BTBD9: variants seen among roughly 807,000 people sequenced by gnomAD.
BTBD9 encodes BTB domain containing 9, also known as BTB/POZ domain-containing protein 9.
Under a neutral mutation model 64.3 loss-of-function variants are expected in BTBD9, and 49 were observed. That is an observed-to-expected ratio of 0.76 (90% CI 0.61 to 0.97). The LOEUF is 0.97. Ranked by LOEUF, BTBD9 falls within the 50% of genes least tolerant of loss-of-function variation. The pLI is 0.00. For missense variants in BTBD9, 598 were observed against 762.1 expected (o/e 0.78, Z 2.53); for synonymous variants, 260 against 274.7 (o/e 0.95, Z 0.53).
chr6:38,190,131 C>T lies in BTBD9; in HGVS notation c.1641+2388G>A, dbSNP rs150393366. 9.9e-5 allele frequency among the ~76,000 whole-genome samples: 15 copies of T among 151,836 alleles called. No individual in the cohort carries two copies. The East Asian group carries it at 2.9e-3, about 30-fold the overall frequency. ...CTGGCTTATTGTGCCTTTTTTTGTTCTCTGAGAATGAGATCCTGTTCATTA... is the reference window on the plus strand; with the variant it reads ...CTGGCTTATTGTGCCTTTTTTTGTTTTCTGAGAATGAGATCCTGTTCATTA... On this transcript the variant is annotated intron_variant, in intron 10 of 10. Coordinates refer to ENST00000481247, the MANE Select transcript of BTBD9 (RefSeq NM_001099272.2).
At chr6:38,427,271 C>T (rs530735854) in intron 6 of BTBD9, among the ~76,000 whole-genome samples, 4 of 151,662 alleles carry the variant, frequency 2.6e-5, no homozygotes, top group Non-Finnish European at 4.4e-5. Flanking sequence ...AGGAGGATTG[C>T]TTGAGCCCAG....
intron 4 of BTBD9, among the ~76,000 whole-genome samples, chr6:38,590,892 T>A (rs1015013040): frequency 6.6e-6 from 1 of 152,308 alleles, no homozygotes; most frequent in South Asian, 2.1e-4. Flanking sequence ...CACATTTATA[T>A]CCCTTGAATC....
chr6:38,392,875 A>ATTTTTTT, intron 6 of BTBD9, among the ~76,000 whole-genome samples: 1 of 137,322 alleles, frequency 7.3e-6, no homozygotes. Flanking sequence ...TAAGACAATG[A>ATTTTTTT]TTTTTTTTTT....
In BTBD9 at chr6:38,236,585, A is replaced by C. The variant is rs141503016; in HGVS notation, c.1562+19824T>G. Among the ~76,000 whole-genome samples, 595 of 152,340 alleles carry C rather than the reference A, an allele frequency of 3.9e-3. 6 individuals are homozygous for C. The highest frequency in any genetic ancestry group is 0.014 in the African/African-American group (575 of 41,566). On this transcript the variant is annotated intron_variant, in intron 9 of 10. Transcript: ENST00000481247. Reference sequence around the variant, plus strand: ...AATTCCTAAGTAAAAGGGTCACAAGAACTATAAATCCTAATTTAATTCAGC... The same window carrying C: ...AATTCCTAAGTAAAAGGGTCACAAGCACTATAAATCCTAATTTAATTCAGC...
chr6:38,491,026 A>C (rs1771678554), intron 6 of BTBD9, among the ~76,000 whole-genome samples: 1 of 152,212 alleles, frequency 6.6e-6, no homozygotes, highest in Non-Finnish European at 1.5e-5. Flanking sequence ...TGGATGACAA[A>C]AGTGGTACAA....
At chr6:38,416,837 G>A (rs905246381) in intron 6 of BTBD9, among the ~76,000 whole-genome samples, 1 of 152,142 alleles carries the variant, frequency 6.6e-6, no homozygotes. Flanking sequence ...CAGAAAGGGT[G>A]CCAAATTACT....
intron 7 of BTBD9, among the ~76,000 whole-genome samples, chr6:38,340,418 T>G (rs1336287855): frequency 1.3e-5 from 2 of 152,156 alleles, no homozygotes; most frequent in African/African-American, 4.8e-5. Flanking sequence ...ACTACTAAAG[T>G]CTTATCAAAA....
At chr6:38,568,689 G>A (rs929412380) in intron 6 of BTBD9, among the ~76,000 whole-genome samples, 2 of 152,160 alleles carry the variant, frequency 1.3e-5, no homozygotes, top group African/African-American at 2.4e-5. Flanking sequence ...TTCCTCACAT[G>A]CAGCATGTAC....
At chr6:38,459,210 G>A (rs748464035) in intron 6 of BTBD9, among the ~76,000 whole-genome samples, 4 of 152,036 alleles carry the variant, frequency 2.6e-5, no homozygotes, top group Non-Finnish European at 5.9e-5. Flanking sequence ...GTAGAGACAC[G>A]GTTTCACCAT....
At chr6:38,475,708 C>G (rs543700490) in intron 6 of BTBD9, among the ~76,000 whole-genome samples, 2 of 152,286 alleles carry the variant, frequency 1.3e-5, no homozygotes, top group African/African-American at 4.8e-5. Flanking sequence ...CTGAGAAGAA[C>G]AGCATACCCA....
intron 6 of BTBD9, among the ~76,000 whole-genome samples, chr6:38,387,244 A>C (rs1766213686): frequency 6.6e-6 from 1 of 152,210 alleles, no homozygotes; most frequent in Non-Finnish European, 1.5e-5. Flanking sequence ...TAGGATAATA[A>C]GACAAAAGTT....
intron 6 of BTBD9, among the ~76,000 whole-genome samples, chr6:38,425,115 C>CTTT (rs10717521): frequency 7.4e-6 from 1 of 135,564 alleles, no homozygotes; most frequent in Non-Finnish European, 1.6e-5. Context: ...CGTGCCCGGC[C>CTTT]TTTTTTTTTT....
intron 6 of BTBD9, among the ~76,000 whole-genome samples, chr6:38,457,619 C>A (rs1272719102): frequency 6.6e-6 from 1 of 151,934 alleles, no homozygotes; most frequent in Admixed American, 6.6e-5. Context: ...ATTTGGGAAG[C>A]TTGAGATGCC....
chr6:38,484,150 T>C lies in BTBD9; in HGVS notation c.1154+93450A>G, dbSNP rs1002080614. ...GAATCCTGTGTTCAGCTCTTTGCTC[T>C]TCAACTGTAGACATGCACAGAAGCA... On this transcript the variant is annotated intron_variant, in intron 6 of 10. Transcript: ENST00000481247. Among the ~76,000 whole-genome samples, 18 of 152,216 alleles carry C rather than the reference T, an allele frequency of 1.2e-4. 1 individual carries two copies. Among genetic ancestry groups the C allele is most frequent in the African/African-American group, 3.6e-4 (15 of 41,450 alleles).
intron 6 of BTBD9, among the ~76,000 whole-genome samples, chr6:38,421,094 C>T (rs914606962): frequency 4.9e-5 from 7 of 142,142 alleles, no homozygotes; most frequent in Admixed American, 2.1e-4. Context: ...CAGTGGCTCA[C>T]GTCTGTAATC....
chr6:38,205,892 G>C (rs67357963), intron 9 of BTBD9, among the ~76,000 whole-genome samples: 3 of 94,060 alleles, frequency 3.2e-5, no homozygotes, highest in African/African-American at 8.3e-5. Flanking sequence ...AAAAAAAAAA[G>C]AAAGAAAGAA....
chr6:38,303,842 T>TAG (rs1186264756), intron 7 of BTBD9, among the ~76,000 whole-genome samples: 18 of 45,368 alleles, frequency 4.0e-4, no homozygotes, highest in Non-Finnish European at 5.2e-4. Flanking sequence ...AGTTGCTAGA[T>TAG]ATATATATAT....
chr6:38,515,309 C>G (rs1772970969), intron 6 of BTBD9, among the ~76,000 whole-genome samples: 1 of 152,172 alleles, frequency 6.6e-6, no homozygotes, highest in African/African-American at 2.4e-5. Context: ...CTTAAGAGAA[C>G]AGTCAACATT....
intron 7 of BTBD9, among the ~76,000 whole-genome samples, chr6:38,289,247 A>C (rs1461056486): frequency 2.0e-5 from 3 of 152,052 alleles, no homozygotes; most frequent in Non-Finnish European, 4.4e-5. Flanking sequence ...GGTAGCACAC[A>C]TCTGTGGTCC....
Sources: gnomAD v4.1 joint callset for allele counts (sites outside exome capture counted in the v4.1 genomes callset) on GRCh38, gnomAD v4.1.1 for gene constraint, MANE v1.5 for transcripts, NCBI Gene and HGNC (gene_info 2026-07-23, HGNC 2026-07-21) for gene names.